Variants in GRIK2 observed in about 807,000 individuals in gnomAD.
The protein encoded by GRIK2 is glutamate ionotropic receptor kainate type subunit 2, also known as glutamate receptor ionotropic, kainate 2.
GRIK2 carries 32 observed loss-of-function variants against 100.3 expected under a neutral mutation model. The ratio of observed to expected loss-of-function variants is 0.32; its 90% CI spans 0.24 to 0.43. GRIK2 has a LOEUF of 0.43. GRIK2 is among the 20% of genes least tolerant of loss of function. The probability of loss-of-function intolerance (pLI) is 1.00; values close to 1 mark genes in which losing one functional copy is unlikely to be tolerated. For missense variants in GRIK2, 843 were observed against 1,114.9 expected, an observed-to-expected ratio of 0.76 and a Z score of 3.47; for synonymous variants, 417 against 389.4, an observed-to-expected ratio of 1.07 and a Z score of -0.83.
At chr6:101,433,127 AAG>A (rs1423364829) in intron 2 of GRIK2, among the ~76,000 whole-genome samples, 1 of 152,150 alleles carries the variant, frequency 6.6e-6, no homozygotes, top group Non-Finnish European at 1.5e-5. Flanking sequence ...AGAAAATCCC[AAG>A]AGATTTTTTT....
chr6:101,543,594 G>T (rs1389915066), intron 2 of GRIK2, among the ~76,000 whole-genome samples: 1 of 152,082 alleles, frequency 6.6e-6, no homozygotes, highest in Non-Finnish European at 1.5e-5. Context: ...GGTGACATAT[G>T]GTACTGTATA....
At chr6:101,635,765 G>C (rs528351595) in intron 4 of GRIK2, among the ~76,000 whole-genome samples, 1 of 152,172 alleles carries the variant, frequency 6.6e-6, no homozygotes, top group Admixed American at 6.5e-5. Flanking sequence ...CATCATCACT[G>C]GTCATTAGAG....
At chr6:101,859,162 G>T in intron 10 of GRIK2, 125 bp from the exon 11 acceptor site, 1 of 578,484 alleles carries the variant, frequency 1.7e-6, no homozygotes, top group Non-Finnish European at 3.1e-6. Flanking sequence ...ATAATTAGAA[G>T]AAAATAAAGT....
At chr6:101,430,688 C>T (rs113937705) in intron 2 of GRIK2, 174 of 170,904 alleles carry the variant, frequency 1.0e-3, no homozygotes, top group African/African-American at 4.1e-3. Flanking sequence ...AGATTCCATT[C>T]TCAGGAAAAA....
At chr6:101,489,814 G>T (rs1178762726) in intron 2 of GRIK2, among the ~76,000 whole-genome samples, 1 of 146,312 alleles carries the variant, frequency 6.8e-6, no homozygotes, top group Non-Finnish European at 1.5e-5. Context: ...ATTTTCTAAG[G>T]TTAGGCAAAT....
At chr6:101,398,855 G>A in intron 1 of GRIK2, 130 bp from the exon 2 acceptor site, 1 of 413,490 alleles carries the variant, frequency 2.4e-6, no homozygotes, top group Non-Finnish European at 4.2e-6. Flanking sequence ...CAGCAGTGCA[G>A]TAGAATAGGG....
chr6:101,986,389 A>G (rs1794017109), intron 14 of GRIK2, among the ~76,000 whole-genome samples: 1 of 151,886 alleles, frequency 6.6e-6, no homozygotes, highest in African/African-American at 2.4e-5. Context: ...GCTACTAGTT[A>G]ATGTGGTAGT....
At chr6:101,667,049 G>C (rs922191789) in intron 4 of GRIK2, among the ~76,000 whole-genome samples, 4 of 152,118 alleles carry the variant, frequency 2.6e-5, no homozygotes, top group African/African-American at 9.7e-5. Flanking sequence ...GTCTATATTT[G>C]TTCAGGAGAG....
chr6:101,664,323 A>G (rs1352717531), intron 4 of GRIK2, among the ~76,000 whole-genome samples: 1 of 152,232 alleles, frequency 6.6e-6, no homozygotes, highest in Non-Finnish European at 1.5e-5. Flanking sequence ...TTGGTCAGCA[A>G]AGAACTAAGC....
At chr6:101,930,311 C>A (rs1047997295) in intron 14 of GRIK2, among the ~76,000 whole-genome samples, 15 of 150,768 alleles carry the variant, frequency 9.9e-5, no homozygotes, top group African/African-American at 3.2e-4. Context: ...CATAGCACTC[C>A]AGCTTGGGCA....
At chr6:101,448,557 A>G (rs1343409966) in intron 2 of GRIK2, among the ~76,000 whole-genome samples, 1 of 151,744 alleles carries the variant, frequency 6.6e-6, no homozygotes, top group East Asian at 1.9e-4. Flanking sequence ...CAAAATTTAT[A>G]TATTAATGAA....
intron 7 of GRIK2, among the ~76,000 whole-genome samples, chr6:101,726,119 G>A (rs947559306): frequency 6.6e-5 from 10 of 151,952 alleles, no homozygotes; most frequent in African/African-American, 2.2e-4. Context: ...GCTAAGATAG[G>A]TCTTAGGTAA....
intron 4 of GRIK2, among the ~76,000 whole-genome samples, chr6:101,661,665 C>T (rs915398563): frequency 1.3e-5 from 2 of 152,142 alleles, no homozygotes; most frequent in African/African-American, 4.8e-5. Context: ...AGCATAGTAT[C>T]TTGGCTGGAA....
At chr6:101,413,639 G>T (rs1329052911) in intron 2 of GRIK2, among the ~76,000 whole-genome samples, 1 of 152,016 alleles carries the variant, frequency 6.6e-6, no homozygotes, top group Non-Finnish European at 1.5e-5. Flanking sequence ...GCATCAAGAT[G>T]TATATGTTTC....
intron 4 of GRIK2, among the ~76,000 whole-genome samples, chr6:101,657,515 A>C (rs1229871688): frequency 6.6e-6 from 1 of 152,158 alleles, no homozygotes; most frequent in Non-Finnish European, 1.5e-5. Flanking sequence ...CCTGATTTCA[A>C]ATTAACATTA....
chr6:101,876,160 T>C (rs1432306904), intron 11 of GRIK2, among the ~76,000 whole-genome samples: 1 of 151,852 alleles, frequency 6.6e-6, no homozygotes, highest in African/African-American at 2.4e-5. Context: ...CTGTTAATTA[T>C]GTAAATAGTA....
At chr6:101,777,663 T>G (rs890621805) in intron 7 of GRIK2, among the ~76,000 whole-genome samples, 1 of 152,148 alleles carries the variant, frequency 6.6e-6, no homozygotes, top group Non-Finnish European at 1.5e-5. Flanking sequence ...AAACTTCTAT[T>G]CTATTTATTA....
chr6:101,845,368 G>C (rs1783748025), intron 10 of GRIK2, among the ~76,000 whole-genome samples: 2 of 151,986 alleles, frequency 1.3e-5, no homozygotes, highest in Non-Finnish European at 2.9e-5. Context: ...CTCTTTCTAT[G>C]GTTTGCGTAC....
chr6:101,790,456 T>G (rs1477596343), intron 7 of GRIK2, among the ~76,000 whole-genome samples: 1 of 151,724 alleles, frequency 6.6e-6, no homozygotes, highest in African/African-American at 2.4e-5. Flanking sequence ...CTGCATCTAT[T>G]GAGATAATCA....
Sources: gnomAD v4.1 joint callset for allele counts (sites outside exome capture counted in the v4.1 genomes callset) on GRCh38, gnomAD v4.1.1 for gene constraint, MANE v1.5 for transcripts, NCBI Gene and HGNC (gene_info 2026-07-23, HGNC 2026-07-21) for gene names.